ANK3: variants seen among roughly 807,000 people sequenced by gnomAD.
ANK3 encodes the protein ankyrin-3.
A neutral mutation model predicts 370.9 loss-of-function variants in ANK3; 57 were observed. The observed-to-expected ratio is 0.15, with a 90% CI of 0.12 to 0.19. The LOEUF (loss-of-function observed/expected upper bound fraction) is 0.19, where lower values mean the gene tolerates loss of function less well. Among genes scored for constraint, ANK3 ranks in the 10% least tolerant of loss-of-function variants. ANK3 has a pLI of 1.00. For synonymous variants in ANK3, 1,929 were observed against 1,946.3 expected (o/e 0.99, Z 0.23); for missense variants, 4,439 against 5,302.1 (o/e 0.84, Z 5.06).
Position 60,279,014 on chromosome 10 carries a change from G to A in ANK3, c.315+36C>T, listed in dbSNP as rs376577186. ...GGGCTGAATCCTCACAGAACATGGC[G>A]AGTGGTTCAAAAAGCATTAAATATG... On this transcript the variant is annotated intron_variant, in intron 3 of 43. Coordinates refer to ENST00000280772, the MANE Select transcript of ANK3 (RefSeq NM_020987.5). The A allele has an allele frequency of 3.3e-5, 52 of 1,595,768 alleles. No homozygotes were observed. The Admixed American group carries it at 6.8e-4, about 21-fold the overall frequency.
At position 60,659,746 on chromosome 10, in the gene ANK3, GA is replaced by G. The variant is rs57080943; in HGVS notation, c.58-44523del. Among the ~76,000 whole-genome samples, 9 of 151,788 alleles carry G rather than the reference GA, an allele frequency of 5.9e-5. No homozygotes were observed. In the South Asian group the frequency reaches 6.2e-4, roughly 11 times the overall value. ...TTGTTGTAAATATAAAATCTGTGGGGAAAAAAAATGCAAGTAGGAAAAGACA... is the reference window on the plus strand; with the variant it reads ...TTGTTGTAAATATAAAATCTGTGGGGAAAAAAATGCAAGTAGGAAAAGACA... On this transcript the variant is annotated intron_variant, in intron 1 of 43. Transcript: ENST00000373827.
intron 42 of ANK3, among the ~76,000 whole-genome samples, chr10:60,051,777 C>T (rs932201886): frequency 1.7e-5 from 2 of 114,848 alleles, no homozygotes; most frequent in African/African-American, 7.2e-5. Flanking sequence ...AGTGAAATTA[C>T]TCTGTGCATG....
At chr10:60,546,799 A>C (rs188174018) in intron 2 of ANK3, among the ~76,000 whole-genome samples, 114 of 152,314 alleles carry the variant, frequency 7.5e-4, no homozygotes, top group African/African-American at 2.6e-3. Context: ...GAAAAGATCA[A>C]GAAAGTTTAT....
chr10:60,578,657 G>A (rs2077711061), intron 2 of ANK3, among the ~76,000 whole-genome samples: 1 of 152,102 alleles, frequency 6.6e-6, no homozygotes, highest in Admixed American at 6.6e-5. Flanking sequence ...TTTTATTGCT[G>A]TGGAAAAGTC....
intron 2 of ANK3, among the ~76,000 whole-genome samples, chr10:60,607,723 C>T (rs1289532142): frequency 2.6e-5 from 4 of 152,104 alleles, no homozygotes; most frequent in African/African-American, 9.7e-5. Flanking sequence ...TAACTGTCAC[C>T]AATATGTCTT....
chr10:60,218,761 C>T (rs924679153), intron 8 of ANK3, among the ~76,000 whole-genome samples: 4 of 151,926 alleles, frequency 2.6e-5, no homozygotes, highest in South Asian at 4.2e-4. Flanking sequence ...TTATGTGTCT[C>T]GGGGTTGATC....
At chr10:60,595,684 G>A (rs1024022960) in intron 2 of ANK3, among the ~76,000 whole-genome samples, 2 of 152,160 alleles carry the variant, frequency 1.3e-5, no homozygotes, top group Admixed American at 6.5e-5. Flanking sequence ...CCCCAAACTA[G>A]AAGGGGGTTT....
At chr10:60,335,638 G>A (rs1457474889) in intron 1 of ANK3, among the ~76,000 whole-genome samples, 1 of 152,120 alleles carries the variant, frequency 6.6e-6, no homozygotes, top group Non-Finnish European at 1.5e-5. Flanking sequence ...AACTACAGAT[G>A]GAGTGATCAG....
At chr10:60,354,038 T>C (rs2057356296) in intron 1 of ANK3, among the ~76,000 whole-genome samples, 1 of 152,260 alleles carries the variant, frequency 6.6e-6, no homozygotes, top group Admixed American at 6.5e-5. Flanking sequence ...CATTGTATAC[T>C]ATCTATCAAA....
intron 2 of ANK3, among the ~76,000 whole-genome samples, chr10:60,497,219 T>C (rs1438544675): frequency 1.3e-5 from 2 of 152,000 alleles, no homozygotes; most frequent in African/African-American, 4.8e-5. Context: ...GAAGGAGAAT[T>C]GCTGGAGCCC....
chr10:60,462,949 G>C (rs185527530), intron 2 of ANK3, among the ~76,000 whole-genome samples: 3 of 152,002 alleles, frequency 2.0e-5, no homozygotes. Context: ...TGTCTCCCAG[G>C]CTGGAGTTCA....
intron 2 of ANK3, among the ~76,000 whole-genome samples, chr10:60,580,628 C>A (rs1477753150): frequency 2.6e-5 from 4 of 152,178 alleles, no homozygotes; most frequent in Admixed American, 2.6e-4. Context: ...AAATAATTAA[C>A]CTCAGTATAC....
At chr10:60,347,468 C>T (rs2055855472) in intron 1 of ANK3, among the ~76,000 whole-genome samples, 2 of 151,726 alleles carry the variant, frequency 1.3e-5, no homozygotes, top group South Asian at 2.1e-4. Flanking sequence ...GAGTCAAATC[C>T]CAAGACAAGT....
chr10:60,402,421 A>G (rs1224743246), intron 2 of ANK3, among the ~76,000 whole-genome samples: 1 of 152,184 alleles, frequency 6.6e-6, no homozygotes, highest in Non-Finnish European at 1.5e-5. Context: ...ACATTAGACT[A>G]CTTACATGAA....
intron 2 of ANK3, among the ~76,000 whole-genome samples, chr10:60,571,076 G>C (rs1164104205): frequency 9.8e-6 from 1 of 102,218 alleles, no homozygotes; most frequent in African/African-American, 3.1e-5. Context: ...TTTTTTTTGA[G>C]ACCAGTGCCA....
At chr10:60,178,931 T>G (rs1220915839) in intron 18 of ANK3, among the ~76,000 whole-genome samples, 1 of 150,554 alleles carries the variant, frequency 6.6e-6, no homozygotes, top group Non-Finnish European at 1.5e-5. Flanking sequence ...GGGTGGGGTA[T>G]AAAGGGTCAG....
At chr10:60,086,919 C>CTT (rs748424381) in intron 29 of ANK3, 35 bp from the exon 30 acceptor site, 10,487 of 974,014 alleles carry the variant, frequency 0.011, 25 homozygotes, top group African/African-American at 0.053. Context: ...ATGAAAGTGA[C>CTT]TTTTTTTTTT....
At chr10:60,288,901 C>T (rs1281864439) in intron 1 of ANK3, among the ~76,000 whole-genome samples, 1 of 151,390 alleles carries the variant, frequency 6.6e-6, no homozygotes, top group Non-Finnish European at 1.5e-5. Flanking sequence ...CACACACACA[C>T]ACACACACAC....
intron 1 of ANK3, among the ~76,000 whole-genome samples, chr10:60,368,879 C>T (rs2059745152): frequency 6.6e-6 from 1 of 152,150 alleles, no homozygotes; most frequent in Admixed American, 6.5e-5. Flanking sequence ...TAAGAATTAA[C>T]ATTAAGATCC....
Sources: allele counts gnomAD v4.1 joint callset (sites outside exome capture counted in the v4.1 genomes callset), GRCh38; gene constraint gnomAD v4.1.1; transcripts MANE v1.5; gene names NCBI Gene and HGNC (gene_info 2026-07-23, HGNC 2026-07-21).